The following LEKR1 variants were observed in gnomAD, a reference collection of about 807,000 sequenced individuals.
The protein encoded by LEKR1 is protein LEKR1.
In LEKR1, 59 loss-of-function variants were observed where a neutral mutation model predicts 72.4. The observed-to-expected ratio is 0.82, with a 90% CI of 0.66 to 1.01. LEKR1 has a LOEUF of 1.01. Among genes scored for constraint, LEKR1 ranks in the 50% least tolerant of loss-of-function variants. The pLI is 0.00. For synonymous variants in LEKR1, 257 were observed against 263.2 expected (o/e 0.98, Z 0.23); for missense variants, 728 against 759.2 (o/e 0.96, Z 0.48).
chr3:157,044,455 A>G (rs1735599810), intron 12 of LEKR1, among the ~76,000 whole-genome samples: 1 of 152,256 alleles, frequency 6.6e-6, no homozygotes, highest in Non-Finnish European at 1.5e-5. Flanking sequence ...TCTCTAGTCC[A>G]GTCACACATT....
chr3:156,971,141 GACATAGACTAATGGA>G (rs1729146361), intron 6 of LEKR1, among the ~76,000 whole-genome samples: 1 of 152,150 alleles, frequency 6.6e-6, no homozygotes, highest in South Asian at 2.1e-4. Context: ...CTGAAATAGA[GACATAGACTAATGGA>G]ACAGAAGAGA....
intron 6 of LEKR1, among the ~76,000 whole-genome samples, chr3:156,962,466 A>G (rs947534931): frequency 7.9e-5 from 12 of 152,198 alleles, no homozygotes; most frequent in African/African-American, 1.2e-4. Context: ...TCTCTAGACA[A>G]ATTGCAAGCC....
chr3:156,919,769 A>G (rs73027741), intron 3 of LEKR1, among the ~76,000 whole-genome samples: 3,236 of 152,274 alleles, frequency 0.021, 125 homozygotes, highest in African/African-American at 0.073. Context: ...TAATGTTACC[A>G]TGTTATTCTT....
chr3:157,007,332 A>T (rs1161253947), intron 9 of LEKR1, among the ~76,000 whole-genome samples: 2 of 152,254 alleles, frequency 1.3e-5, no homozygotes, highest in African/African-American at 2.4e-5. Flanking sequence ...AGCTCTTCAG[A>T]TGTGGCCAAC....
intron 2 of LEKR1, among the ~76,000 whole-genome samples, chr3:156,841,047 T>TA (rs1437620043): frequency 6.6e-6 from 1 of 152,162 alleles, no homozygotes; most frequent in Non-Finnish European, 1.5e-5. Context: ...AATGACATGA[T>TA]AAAAAATAGC....
chr3:156,941,910 A>G (rs1250182515), intron 5 of LEKR1, among the ~76,000 whole-genome samples: 1 of 152,068 alleles, frequency 6.6e-6, no homozygotes, highest in Non-Finnish European at 1.5e-5. Context: ...AGCTATAAAG[A>G]TTTTTATTAA....
chr3:157,037,871 TAGAA>T (rs1735075664), intron 12 of LEKR1, among the ~76,000 whole-genome samples: 1 of 151,964 alleles, frequency 6.6e-6, no homozygotes, highest in Non-Finnish European at 1.5e-5. Flanking sequence ...GCAAAGGTAA[TAGAA>T]AGACTCTGCA....
At chr3:156,886,124 G>T (rs1408169121) in intron 3 of LEKR1, among the ~76,000 whole-genome samples, 2 of 152,108 alleles carry the variant, frequency 1.3e-5, no homozygotes, top group African/African-American at 2.4e-5. Flanking sequence ...CATGGGTGAG[G>T]CTTGCTGCAA....
At chr3:156,998,252 T>G (rs10513500) in intron 9 of LEKR1, among the ~76,000 whole-genome samples, 7,810 of 152,236 alleles carry the variant, frequency 0.051, 229 homozygotes, top group African/African-American at 0.075. Context: ...CAGGGGCACC[T>G]AATTCCATCC....
At chr3:156,917,952 G>A (rs763985462) in intron 3 of LEKR1, among the ~76,000 whole-genome samples, 24 of 152,032 alleles carry the variant, frequency 1.6e-4, no homozygotes, top group Non-Finnish European at 3.2e-4. Context: ...GAAATGATTT[G>A]GAAAGATTAT....
At position 156,852,949 on chromosome 3, in the gene LEKR1, A is replaced by C; in HGVS notation, c.230A>C (p.Gln77Pro). 6.5e-7 allele frequency: 1 copy of C among 1,535,738 alleles called. No homozygotes were observed. The highest frequency in any genetic ancestry group is 8.7e-7 in the Non-Finnish European group (1 of 1,145,984). The change falls in exon 3 of 13, where the codon CAG becomes CCG. Residue 77 changes from glutamine to proline, a missense_variant. Physicochemically the swap from Gln to Pro is moderately conservative, Grantham distance 76. Coordinates refer to ENST00000356539, the MANE Select transcript of LEKR1 (RefSeq NM_001004316.3). ...CATTCTCTTAGCCAAGAACTTGAAC[A>C]GTACAAAATTGACAACAAATCCAAA... ...KLHSLSQELEQYKIDNKSKTE... is the reference protein window; with the variant it reads ...KLHSLSQELEPYKIDNKSKTE...
intron 9 of LEKR1, among the ~76,000 whole-genome samples, chr3:157,005,264 G>A (rs1412049972): frequency 2.0e-5 from 3 of 152,042 alleles, no homozygotes; most frequent in South Asian, 2.1e-4. Flanking sequence ...AGAAGAAATG[G>A]ATAACATGAA....
At chr3:156,883,429 C>CT (rs1719701629) in intron 3 of LEKR1, among the ~76,000 whole-genome samples, 1 of 152,118 alleles carries the variant, frequency 6.6e-6, no homozygotes, top group Non-Finnish European at 1.5e-5. Context: ...CTTTGGGGGA[C>CT]TGTTGAGAAG....
chr3:156,858,849 A>G (rs1576677399), intron 3 of LEKR1, among the ~76,000 whole-genome samples: 1 of 152,138 alleles, frequency 6.6e-6, no homozygotes. Flanking sequence ...AAACTTTTTG[A>G]TAATAGTATT....
chr3:156,864,711 G>A (rs1454077161), intron 3 of LEKR1, among the ~76,000 whole-genome samples: 1 of 151,912 alleles, frequency 6.6e-6, no homozygotes, highest in African/African-American at 2.4e-5. Context: ...CTAGTTATTT[G>A]TCTTTCTTGA....
intron 3 of LEKR1, among the ~76,000 whole-genome samples, chr3:156,868,476 T>C (rs1560037528): frequency 6.6e-6 from 1 of 151,952 alleles, no homozygotes; most frequent in Non-Finnish European, 1.5e-5. Flanking sequence ...GGAATGCCTG[T>C]GCCTGAGCTC....
chr3:156,942,772 G>A, intron 6 of LEKR1, 58 bp downstream of exon 6: 2 of 758,802 alleles, frequency 2.6e-6, no homozygotes, highest in East Asian at 9.4e-5. Context: ...ATGAATAAAT[G>A]TTTACATTTT....
chr3:156,882,410 A>G (rs1399891786), intron 3 of LEKR1, among the ~76,000 whole-genome samples: 4 of 152,234 alleles, frequency 2.6e-5, no homozygotes, highest in African/African-American at 4.8e-5. Flanking sequence ...AATGCTCACC[A>G]TCACTGGCCA....
At chr3:156,909,727 G>T (rs1205861120) in intron 3 of LEKR1, among the ~76,000 whole-genome samples, 2 of 149,296 alleles carry the variant, frequency 1.3e-5, no homozygotes, top group Admixed American at 1.3e-4. Context: ...TTCCATTTCT[G>T]TGAGAAAAGT....
Sources: gnomAD v4.1 joint callset for allele counts (sites outside exome capture counted in the v4.1 genomes callset) on GRCh38, gnomAD v4.1.1 for gene constraint, MANE v1.5 for transcripts, NCBI Gene and HGNC (gene_info 2026-07-23, HGNC 2026-07-21) for gene names.